The following MBOAT2 variants were observed in gnomAD, a reference collection of about 807,000 sequenced individuals.
The protein encoded by MBOAT2 is membrane-bound glycerophospholipid O-acyltransferase 2.
In MBOAT2, 28 loss-of-function variants were observed where a neutral mutation model predicts 63.4. The ratio of observed to expected loss-of-function variants is 0.44; its 90% CI spans 0.33 to 0.61. The LOEUF (loss-of-function observed/expected upper bound fraction) is 0.61, where lower values mean the gene tolerates loss of function less well. MBOAT2 is among the 20% of genes least tolerant of loss of function. MBOAT2 has a pLI of 0.03. For synonymous variants in MBOAT2, 211 were observed against 215.6 expected, an observed-to-expected ratio of 0.98 and a Z score of 0.19; for missense variants, 470 against 605.8, an observed-to-expected ratio of 0.78 and a Z score of 2.35.
chr2:8,958,361 A>G, intron 2 of MBOAT2, 136 bp downstream of exon 2: 2 of 802,080 alleles, frequency 2.5e-6, no homozygotes, highest in South Asian at 6.0e-5. Context: ...AAATAAAAAT[A>G]TGAAAGTTGG....
intron 6 of MBOAT2, among the ~76,000 whole-genome samples, chr2:8,881,477 A>C (rs1197708192): frequency 6.6e-6 from 1 of 152,176 alleles, no homozygotes; most frequent in East Asian, 1.9e-4. Flanking sequence ...TCAGCAAGAC[A>C]GTGTTTTTCT....
chr2:9,002,327 G>A (rs2103393196), intron 1 of MBOAT2, among the ~76,000 whole-genome samples: 1 of 152,240 alleles, frequency 6.6e-6, no homozygotes, highest in African/African-American at 2.4e-5. Flanking sequence ...CATACTTAAG[G>A]CGATTTTATT....
intron 6 of MBOAT2, among the ~76,000 whole-genome samples, chr2:8,878,885 G>A (rs1275709618): frequency 6.6e-6 from 1 of 151,860 alleles, no homozygotes; most frequent in Admixed American, 6.6e-5. Context: ...GACCATCCCA[G>A]CTAAAACGGT....
At chr2:8,963,555 G>A (rs962927912) in intron 1 of MBOAT2, among the ~76,000 whole-genome samples, 8 of 151,982 alleles carry the variant, frequency 5.3e-5, no homozygotes, top group African/African-American at 1.7e-4. Flanking sequence ...CACCCGCCTT[G>A]GCCTCCCAAA....
At chr2:8,990,773 T>C (rs528100505) in intron 1 of MBOAT2, among the ~76,000 whole-genome samples, 4 of 152,324 alleles carry the variant, frequency 2.6e-5, no homozygotes, top group East Asian at 3.9e-4. Context: ...GGCTCAATGT[T>C]TGATGCCAAG....
At chr2:8,921,173 T>C (rs1666538963) in intron 3 of MBOAT2, among the ~76,000 whole-genome samples, 1 of 152,214 alleles carries the variant, frequency 6.6e-6, no homozygotes, top group South Asian at 2.1e-4. Context: ...GTGCCTTCTT[T>C]TGTATTAAAC....
chr2:9,000,432 A>C (rs1329841510), intron 1 of MBOAT2, among the ~76,000 whole-genome samples: 1 of 152,228 alleles, frequency 6.6e-6, no homozygotes, highest in Non-Finnish European at 1.5e-5. Flanking sequence ...CAACAGCTTC[A>C]TCAACAAGAA....
intron 1 of MBOAT2, among the ~76,000 whole-genome samples, chr2:8,992,464 AT>A: frequency 6.6e-6 from 1 of 152,364 alleles, no homozygotes; most frequent in South Asian, 2.1e-4. Flanking sequence ...CAAGTAAAGT[AT>A]CACTTAGATG....
chr2:8,878,221 C>T (rs1662840549), intron 6 of MBOAT2, among the ~76,000 whole-genome samples: 2 of 152,270 alleles, frequency 1.3e-5, no homozygotes, highest in South Asian at 4.1e-4. Context: ...CCAAATGATA[C>T]ATGGTACCTA....
chr2:8,956,481 G>A (rs13398229), intron 2 of MBOAT2, among the ~76,000 whole-genome samples: 266 of 152,246 alleles, frequency 1.7e-3, no homozygotes, highest in Middle Eastern at 6.8e-3. Flanking sequence ...TGGGCAGACT[G>A]CTTGAGTCTG....
chr2:8,939,886 TA>T (rs1365722684), intron 3 of MBOAT2, among the ~76,000 whole-genome samples: 2 of 152,220 alleles, frequency 1.3e-5, no homozygotes, highest in African/African-American at 4.8e-5. Flanking sequence ...GTAATTCCTT[TA>T]ACAGCAATAG....
At chr2:8,902,111 G>T (rs1289291810) in intron 4 of MBOAT2, among the ~76,000 whole-genome samples, 1 of 151,904 alleles carries the variant, frequency 6.6e-6, no homozygotes, top group Non-Finnish European at 1.5e-5. Flanking sequence ...GCTGGTTCCA[G>T]GCAAACCAAC....
rs75305828 is a variant in MBOAT2 at position 8,975,797 on chromosome 2, C to CAAA, written c.76-17158_76-17156dup. Among the ~76,000 whole-genome samples the CAAA allele has an allele frequency of 1.3e-3, 76 of 60,684 alleles. 1 individual carries two copies. Among genetic ancestry groups the CAAA allele is most frequent in the African/African-American group, 3.3e-3 (71 of 21,804 alleles). The allele number at this position is 60,684 out of a possible 152,430, so 39.8% of individuals were successfully genotyped here. On this transcript the variant is annotated intron_variant, in intron 1 of 12. Transcript: ENST00000305997. ...AAAGAGGACAATTAAATGAACAATA[C>CAAA]AAAAAAAAAAAAAAAAACGATGGCC...
At chr2:8,930,301 A>G (rs913572982) in intron 3 of MBOAT2, among the ~76,000 whole-genome samples, 2 of 152,204 alleles carry the variant, frequency 1.3e-5, no homozygotes, top group African/African-American at 4.8e-5. Flanking sequence ...TCATTGTTCA[A>G]TTCCCACCTA....
chr2:8,976,676 G>A (rs941721371), intron 1 of MBOAT2, among the ~76,000 whole-genome samples: 5 of 152,098 alleles, frequency 3.3e-5, no homozygotes, highest in Admixed American at 1.3e-4. Flanking sequence ...CATAAAGCGC[G>A]TTCAGAGCGT....
At chr2:8,907,923 A>G (rs1261831833) in intron 4 of MBOAT2, among the ~76,000 whole-genome samples, 1 of 152,044 alleles carries the variant, frequency 6.6e-6, no homozygotes, top group Non-Finnish European at 1.5e-5. Context: ...TTTCCAACAC[A>G]CTTATCCTTA....
At chr2:8,930,771 G>A (rs1667261882) in intron 3 of MBOAT2, among the ~76,000 whole-genome samples, 1 of 151,574 alleles carries the variant, frequency 6.6e-6, no homozygotes, top group Non-Finnish European at 1.5e-5. Context: ...GCTAAATGAC[G>A]AGTTAATGGG....
intron 3 of MBOAT2, among the ~76,000 whole-genome samples, chr2:8,915,905 G>A (rs1348673643): frequency 1.3e-5 from 2 of 152,120 alleles, no homozygotes; most frequent in East Asian, 1.9e-4. Flanking sequence ...AAAGGTGGAC[G>A]TACTATTCCA....
rs751634124 is a variant in MBOAT2, at chr2:8,864,122, G to A, written c.1052+48C>T. 32 of 1,332,142 alleles carry A rather than the reference G, an allele frequency of 2.4e-5. No individual in the cohort carries two copies. The South Asian group carries it at 4.4e-4, about 18-fold the overall frequency. 82.5% of individuals were successfully genotyped at this position (1,332,142 alleles called of 1,614,324 possible). ...TGAACTCAATGAAGCTCAACCTCGA[G>A]AACTAGACGCCAAAGCACATCTAAA... On this transcript the variant is annotated intron_variant, in intron 10 of 12. Coordinates refer to ENST00000305997, the MANE Select transcript of MBOAT2 (RefSeq NM_138799.4).
Sources: allele counts gnomAD v4.1 joint callset (sites outside exome capture counted in the v4.1 genomes callset), GRCh38; gene constraint gnomAD v4.1.1; transcripts MANE v1.5; gene names NCBI Gene and HGNC (gene_info 2026-07-23, HGNC 2026-07-21).